Variants in USP17L1 observed in about 807,000 individuals in gnomAD.
USP17L1 encodes the protein ubiquitin carboxyl-terminal hydrolase 17-like protein 1.
USP17L1 carries 42 observed loss-of-function variants against 31.4 expected under a neutral mutation model. The ratio of observed to expected loss-of-function variants is 1.34; its 90% CI spans 1.05 to 1.73. The LOEUF (loss-of-function observed/expected upper bound fraction) is 1.73, where lower values mean the gene tolerates loss of function less well. USP17L1 is among the 40% of genes most tolerant of loss of function. The probability of loss-of-function intolerance (pLI) is 0.00; values close to 1 mark genes in which losing one functional copy is unlikely to be tolerated. For missense variants in USP17L1, 576 were observed against 495.8 expected, an observed-to-expected ratio of 1.16 and a Z score of -1.54; for synonymous variants, 230 against 194.4, an observed-to-expected ratio of 1.18 and a Z score of -1.52.
rs780217823 is a variant in USP17L1 at position 7,333,598 on chromosome 8, G to A, written c.1212G>A (p.Lys404=). 8 of 1,476,854 alleles carry A rather than the reference G, an allele frequency of 5.4e-6. 2 individuals are homozygous for A. Among genetic ancestry groups the A allele is most frequent in the East Asian group, 2.3e-5 (1 of 43,536 alleles). The allele number at this position is 1,476,854 out of a possible 1,614,324, so 91.5% of individuals were successfully genotyped here. ...CTGAAGACACAGACAGGCGAGCAAA[G>A]CAAGGAGAGCTCAAGAGAGACCACC... ...LGAEDTDRRA[K]QGELKRDHPC... Residue 404 remains lysine, a synonymous_variant, in exon 1 of 1, where the codon AAG becomes AAA. Transcript: ENST00000529559.
chr8:7,333,500 T>C lies in USP17L1; in HGVS notation c.1114T>C (p.Tyr372His). ...VLSQQAYVLF[Y>H]IQKSEWERHS... is the part of the protein sequence containing the mutation. ...GAGTCAACAGGCCTATGTCCTCTTTTACATCCAGAAGAGTGAATGGGAAAG... is the reference window on the plus strand; with the variant it reads ...GAGTCAACAGGCCTATGTCCTCTTTCACATCCAGAAGAGTGAATGGGAAAG... The change falls in exon 1 of 1, where the codon TAC becomes CAC. Residue 372 changes from tyrosine to histidine, a missense_variant. Tyr to His is a moderately conservative substitution (Grantham distance 83). Coordinates refer to ENST00000529559, the MANE Select transcript of USP17L1 (RefSeq NM_001256873.1). 1.9e-6 allele frequency: 3 copies of C among 1,549,656 alleles called. No homozygotes were observed. The highest frequency in any genetic ancestry group is 2.6e-6 in the Non-Finnish European group (3 of 1,148,418).
In USP17L1 at chr8:7,333,760, C is replaced by A. The variant is rs764389242; in HGVS notation, c.1374C>A (p.Thr458=). The A allele has an allele frequency of 5.6e-5, 87 of 1,563,970 alleles. 5 individuals carry two copies. The highest frequency in any genetic ancestry group is 3.3e-4 in the South Asian group (29 of 89,162). The change falls in exon 1 of 1, where the codon ACC becomes ACA. Residue 458 remains threonine (T), a synonymous_variant. Coordinates refer to ENST00000529559, the MANE Select transcript of USP17L1 (RefSeq NM_001256873.1). ...TCAACGTCGGAAAAGTCGAAGGTAC[C>A]CTGCCTCCCAACGCACTTGTGATTC... ...PEFNVGKVEG[T]LPPNALVIHQ...
rs765179216 is a variant in USP17L1 at position 7,332,456 on chromosome 8, C to T, written c.70C>T (p.Arg24Trp). ...CCACTTTTCAAAACTCACATCTTCT[C>T]GGCCAGATGCAGCTTTTGCTGAAAT... ...FNHFSKLTSS[R>W]PDAAFAEIQR... Residue 24 changes from arginine (R) to tryptophan (W), a missense_variant, in exon 1 of 1, where the codon CGG becomes TGG. Arg to Trp is a moderately radical substitution (Grantham distance 101, BLOSUM62 -3). Coordinates refer to ENST00000529559, the MANE Select transcript of USP17L1 (RefSeq NM_001256873.1). 19 of 554,360 alleles carry T rather than the reference C, an allele frequency of 3.4e-5. 2 individuals carry two copies. Among genetic ancestry groups the T allele is most frequent in the African/African-American group, 1.9e-4 (3 of 15,488 alleles). The allele number at this position is 554,360 out of a possible 1,614,324, so 34.3% of individuals were successfully genotyped here.
At position 7,333,902 on chromosome 8, in the gene USP17L1, G is replaced by T. The variant is rs560607752; in HGVS notation, c.1516G>T (p.Ala506Ser). The T allele has an allele frequency of 2.6e-6, 4 of 1,519,040 alleles. 1 individual carries two copies. The Middle Eastern group carries it at 7.2e-4, about 273-fold the overall frequency. The allele number at this position is 1,519,040 out of a possible 1,614,324, so 94.1% of individuals were successfully genotyped here. A position where few individuals can be genotyped will look rare whatever the true frequency, so the allele number is the denominator to read the frequency against. The change falls in exon 1 of 1, where the codon GCT becomes TCT. Residue 506 changes from alanine to serine, a missense_variant. Physicochemically the swap from Ala to Ser is moderately conservative, Grantham distance 99. Coordinates refer to ENST00000529559, the MANE Select transcript of USP17L1 (RefSeq NM_001256873.1). The part of the protein sequence containing the change: ...DQESMNTGTL[A>S]SLQGRTRRAK... ...GGAGTCCATGAACACTGGCACACTCGCTTCTCTGCAAGGGAGGACCAGGAG... is the reference window on the plus strand; with the variant it reads ...GGAGTCCATGAACACTGGCACACTCTCTTCTCTGCAAGGGAGGACCAGGAG...
In USP17L1 at chr8:7,332,652, G is replaced by C; in HGVS notation, c.266G>C (p.Cys89Ser). Reference protein sequence around the residue: ...GAGLQNMGNTCYENASLQCLT... With the variant: ...GAGLQNMGNTSYENASLQCLT... ...GGGCTCCAGAATATGGGAAATACCTGCTACGAGAACGCTTCCCTGCAGTGC... is the reference window on the plus strand; with the variant it reads ...GGGCTCCAGAATATGGGAAATACCTCCTACGAGAACGCTTCCCTGCAGTGC... Residue 89 changes from cysteine to serine, a missense_variant, in exon 1 of 1, where the codon TGC becomes TCC. By Grantham distance (112) the Cys-to-Ser change is moderately radical. Transcript: ENST00000529559. 5.8e-6 allele frequency: 3 copies of C among 516,686 alleles called. No homozygotes were observed. The highest frequency in any genetic ancestry group is 9.8e-6 in the Non-Finnish European group (3 of 306,284). The allele number at this position is 516,686 out of a possible 1,614,324, so 32.0% of individuals were successfully genotyped here. A position where few individuals can be genotyped will look rare whatever the true frequency, so the allele number is the denominator to read the frequency against.
chr8:7,333,565 C>T lies in USP17L1; in HGVS notation c.1179C>T (p.Ala393=). Residue 393 remains alanine (A), a synonymous_variant, in exon 1 of 1, where the codon GCC becomes GCT. Transcript: ENST00000529559. ...ESVSRGREPR[A]LGAEDTDRRA... ...TGTCAAGAGGCAGGGAACCAAGAGC[C>T]CTCGGCGCTGAAGACACAGACAGGC... 2 of 1,468,938 alleles carry T rather than the reference C, an allele frequency of 1.4e-6. No homozygotes were observed. Among genetic ancestry groups the T allele is most frequent in the Middle Eastern group, 3.9e-4 (2 of 5,130 alleles). The allele number at this position is 1,468,938 out of a possible 1,614,324, so 91.0% of individuals were successfully genotyped here. A position where few individuals can be genotyped will look rare whatever the true frequency, so the allele number is the denominator to read the frequency against.
In USP17L1 at chr8:7,333,463, C is replaced by A. The variant is rs750138077; in HGVS notation, c.1077C>A (p.Ile359=). 1 of 1,567,846 alleles carries A rather than the reference C, an allele frequency of 6.4e-7. No homozygotes were observed. Among genetic ancestry groups the A allele is most frequent in the East Asian group, 2.3e-5 (1 of 44,412 alleles). ...MDDAEVTVCS[I]ISVLSQQAYV... is the part of the protein sequence containing the mutation. Reference sequence around the variant, plus strand: ...ATGCCGAGGTCACTGTCTGTAGCATCATTTCTGTCCTGAGTCAACAGGCCT... The same window carrying A: ...ATGCCGAGGTCACTGTCTGTAGCATAATTTCTGTCCTGAGTCAACAGGCCT... Residue 359 remains isoleucine, a synonymous_variant, in exon 1 of 1, where the codon ATC becomes ATA. Transcript: ENST00000529559.
rs1203806533 is a variant in USP17L1, at chr8:7,333,927, G to A, written c.1541G>A (p.Arg514Lys). 1 of 1,563,620 alleles carries A rather than the reference G, an allele frequency of 6.4e-7. No homozygotes were observed. ...GCTTCTCTGCAAGGGAGGACCAGGA[G>A]AGCCAAAGGGAAGAACAAACACAGC... ...TLASLQGRTR[R>K]AKGKNKHSKR... The change falls in exon 1 of 1, where the codon AGA becomes AAA. Residue 514 changes from arginine (R) to lysine (K), a missense_variant. Coordinates refer to ENST00000529559, the MANE Select transcript of USP17L1 (RefSeq NM_001256873.1).
chr8:7,333,450 C>T lies in USP17L1; in HGVS notation c.1064C>T (p.Thr355Ile). The T allele has an allele frequency of 3.2e-6, 5 of 1,568,580 alleles. No individual in the cohort carries two copies. Among genetic ancestry groups the T allele is most frequent in the Non-Finnish European group, 4.3e-6 (5 of 1,165,466 alleles). The change falls in exon 1 of 1, where the codon ACT becomes ATT. Residue 355 changes from threonine to isoleucine, a missense_variant. Transcript: ENST00000529559. Reference protein sequence around the residue: ...QWYKMDDAEVTVCSIISVLSQ... With the variant: ...QWYKMDDAEVIVCSIISVLSQ... ...TATAAAATGGATGATGCCGAGGTCA[C>T]TGTCTGTAGCATCATTTCTGTCCTG...
rs770335718 is a variant in USP17L1, at chr8:7,333,370, G to T, written c.984G>T (p.Trp328Cys). ...VLYAVLVHAG[W>C]SCHDGHYFSY... Reference sequence around the variant, plus strand: ...ATGCTGTGCTGGTCCACGCTGGGTGGAGTTGTCACGACGGACATTACTTCT... The same window carrying T: ...ATGCTGTGCTGGTCCACGCTGGGTGTAGTTGTCACGACGGACATTACTTCT... The change falls in exon 1 of 1, where the codon TGG (tryptophan) becomes TGT (cysteine). Residue 328 changes from tryptophan (W) to cysteine (C), a missense_variant. By Grantham distance (215) the Trp-to-Cys change is radical. Transcript: ENST00000529559. 6.4e-6 allele frequency: 10 copies of T among 1,568,364 alleles called. No homozygotes were observed. The highest frequency in any genetic ancestry group is 8.6e-6 in the Non-Finnish European group (10 of 1,167,874).
rs536406580 is a variant in USP17L1, at chr8:7,333,765, C to T, written c.1379C>T (p.Pro460Leu). Residue 460 changes from proline (P) to leucine (L), a missense_variant, in exon 1 of 1, where the codon CCT becomes CTT. Physicochemically the swap from Pro to Leu is moderately conservative, Grantham distance 98 (BLOSUM62 -3). Coordinates refer to ENST00000529559, the MANE Select transcript of USP17L1 (RefSeq NM_001256873.1). The stretch of plus-strand genomic sequence containing the variant: ...GTCGGAAAAGTCGAAGGTACCCTGC[C>T]TCCCAACGCACTTGTGATTCATCAA... ...FNVGKVEGTL[P>L]PNALVIHQSK... The T allele has an allele frequency of 2.0e-4, 308 of 1,539,004 alleles. 14 individuals carry two copies. Among genetic ancestry groups the T allele is most frequent in the Non-Finnish European group, 2.6e-4 (299 of 1,137,950 alleles).
rs1434091134 is a variant in USP17L1 at position 7,332,578 on chromosome 8, C to A, written c.192C>A (p.Pro64=). 6.0e-6 allele frequency: 3 copies of A among 498,896 alleles called. No individual in the cohort carries two copies. Among genetic ancestry groups the A allele is most frequent in the Non-Finnish European group, 1.0e-5 (3 of 299,438 alleles). 30.9% of individuals were successfully genotyped at this position (498,896 alleles called of 1,614,324 possible). The change falls in exon 1 of 1, where the codon CCC becomes CCA. Residue 64 remains proline, a synonymous_variant. Coordinates refer to ENST00000529559, the MANE Select transcript of USP17L1 (RefSeq NM_001256873.1). Reference sequence around the variant, plus strand: ...CTCCTGTGGCAAGACAGCTCGCTCCCAGGGAGAAGCTTCCTCTGAGTAGCA... The same window carrying A: ...CTCCTGTGGCAAGACAGCTCGCTCCAAGGGAGAAGCTTCCTCTGAGTAGCA... The part of the protein sequence containing the change: ...DLAPVARQLA[P]REKLPLSSRR...
chr8:7,333,727 G>C lies in USP17L1; in HGVS notation c.1341G>C (p.Lys447Asn). The C allele has an allele frequency of 6.3e-7, 1 of 1,585,994 alleles. No homozygotes were observed. Among genetic ancestry groups the C allele is most frequent in the East Asian group, 2.2e-5 (1 of 44,446 alleles). The change falls in exon 1 of 1, where the codon AAG becomes AAC. Residue 447 changes from lysine (K) to asparagine (N), a missense_variant. Coordinates refer to ENST00000529559, the MANE Select transcript of USP17L1 (RefSeq NM_001256873.1). Reference sequence around the variant, plus strand: ...TCCTGCAAGAGCAAAACAAAACGAAGCCTGAGTTCAACGTCGGAAAAGTCG... The same window carrying C: ...TCCTGCAAGAGCAAAACAAAACGAACCCTGAGTTCAACGTCGGAAAAGTCG... The part of the protein sequence containing the change: ...WKFLQEQNKT[K>N]PEFNVGKVEG...
In USP17L1 at chr8:7,333,511, G is replaced by C. The variant is rs761637480; in HGVS notation, c.1125G>C (p.Lys375Asn). ...CCTATGTCCTCTTTTACATCCAGAA[G>C]AGTGAATGGGAAAGACACAGTGAGA... ...QQAYVLFYIQ[K>N]SEWERHSESV... is the part of the protein sequence containing the mutation. The change falls in exon 1 of 1, where the codon AAG becomes AAC. Residue 375 changes from lysine to asparagine, a missense_variant. Transcript: ENST00000529559. The C allele has an allele frequency of 3.2e-6, 5 of 1,539,074 alleles. No individual in the cohort carries two copies. In the South Asian group the frequency reaches 4.5e-5, roughly 14 times the overall value.
At position 7,333,684 on chromosome 8, in the gene USP17L1, C is replaced by T. The variant is rs1230060865; in HGVS notation, c.1298C>T (p.Thr433Ile). 5 of 1,585,362 alleles carry T rather than the reference C, an allele frequency of 3.2e-6. No individual in the cohort carries two copies. Among genetic ancestry groups the T allele is most frequent in the Non-Finnish European group, 4.3e-6 (5 of 1,175,432 alleles). ...HLVERATQES[T>I]LDHWKFLQEQ... The stretch of plus-strand genomic sequence containing the variant: ...GTGGAAAGAGCCACTCAGGAAAGCA[C>T]CTTAGACCACTGGAAATTCCTGCAA... Residue 433 changes from threonine (T) to isoleucine (I), a missense_variant, in exon 1 of 1, where the codon ACC (threonine) becomes ATC (isoleucine). Transcript: ENST00000529559.
chr8:7,333,965 C>A lies in USP17L1; in HGVS notation c.1579C>A (p.Leu527Ile). ...GAACAAACACAGCAAGAGGGCTCTG[C>A]TTGTGTGCCAGTGATCTCAGTGGAA... The part of the protein sequence containing the change: ...GKNKHSKRAL[L>I]VCQ Residue 527 changes from leucine to isoleucine, a missense_variant, in exon 1 of 1, where the codon CTT becomes ATT. Leu to Ile is a conservative substitution (Grantham distance 5). Transcript: ENST00000529559. 6.3e-7 allele frequency: 1 copy of A among 1,582,932 alleles called. No individual in the cohort carries two copies. Among genetic ancestry groups the A allele is most frequent in the South Asian group, 1.1e-5 (1 of 89,962 alleles).
chr8:7,333,781 G>C lies in USP17L1; in HGVS notation c.1395G>C (p.Val465=), dbSNP rs747860856. The C allele has an allele frequency of 1.4e-6, 2 of 1,479,154 alleles. No individual in the cohort carries two copies. The highest frequency in any genetic ancestry group is 1.8e-6 in the Non-Finnish European group (2 of 1,087,398). The allele number at this position is 1,479,154 out of a possible 1,614,324, so 91.6% of individuals were successfully genotyped here. Residue 465 remains valine, a synonymous_variant, in exon 1 of 1, where the codon GTG becomes GTC. Transcript: ENST00000529559. ...VEGTLPPNAL[V]IHQSKYKCGM... ...GTACCCTGCCTCCCAACGCACTTGTGATTCATCAATCAAAATACAAGTGTG... is the reference window on the plus strand; with the variant it reads ...GTACCCTGCCTCCCAACGCACTTGTCATTCATCAATCAAAATACAAGTGTG...
rs754722471 is a variant in USP17L1 at position 7,333,265 on chromosome 8, G to C, written c.879G>C (p.Lys293Asn). Residue 293 changes from lysine (K) to asparagine (N), a missense_variant, in exon 1 of 1, where the codon AAG becomes AAC. Transcript: ENST00000529559. Reference protein sequence around the residue: ...FSDVAGNKLAKNVQYPECLDM... With the variant: ...FSDVAGNKLANNVQYPECLDM... ...ATGTCGCAGGCAACAAACTTGCCAA[G>C]AATGTGCAATATCCTGAGTGCCTTG... is the stretch of plus-strand genomic sequence containing the variant. The C allele has an allele frequency of 6.8e-6, 7 of 1,025,804 alleles. 1 individual carries two copies. The African/African-American group carries it at 1.5e-4, about 22-fold the overall frequency. The allele number at this position is 1,025,804 out of a possible 1,614,324, so 63.5% of individuals were successfully genotyped here.
the USP17L1 span, chr8:7,333,400 T>A: frequency 6.1e-4 from 966 of 1,574,582 alleles, 51 homozygotes; most frequent in Non-Finnish European, 7.5e-4. Flanking sequence ...ACTTCTCCTA[T>A]GTCAAAGCTC....
Sources: allele counts gnomAD v4.1 joint callset, GRCh38; gene constraint gnomAD v4.1.1; transcripts MANE v1.5; gene names NCBI Gene and HGNC (gene_info 2026-07-23, HGNC 2026-07-21).